MKLN1: variants seen among roughly 807,000 people sequenced by gnomAD.
MKLN1 encodes the protein muskelin.
Under a neutral mutation model 99.0 loss-of-function variants are expected in MKLN1, and 18 were observed. The ratio of observed to expected loss-of-function variants is 0.18; its 90% CI spans 0.13 to 0.27. MKLN1 has a LOEUF of 0.27. Among genes scored for constraint, MKLN1 ranks in the 10% least tolerant of loss-of-function variants. The pLI is 1.00. For missense variants in MKLN1, 621 were observed against 875.9 expected (o/e 0.71, Z 3.67); for synonymous variants, 288 against 293.2 (o/e 0.98, Z 0.18).
intron 3 of MKLN1, among the ~76,000 whole-genome samples, chr7:131,215,899 G>A (rs1796974495): frequency 6.6e-6 from 1 of 152,026 alleles, no homozygotes; most frequent in South Asian, 2.1e-4. Flanking sequence ...TGTTTGGGGG[G>A]GATAGGGGCT....
At chr7:131,407,130 CTCTT>C (rs1162058692) in intron 6 of MKLN1, among the ~76,000 whole-genome samples, 2 of 151,964 alleles carry the variant, frequency 1.3e-5, no homozygotes, top group East Asian at 1.9e-4. Flanking sequence ...TTTTTAGTGT[CTCTT>C]TCTTACACTT....
At chr7:131,339,033 C>A (rs1297769482) in intron 1 of MKLN1, among the ~76,000 whole-genome samples, 1 of 152,174 alleles carries the variant, frequency 6.6e-6, no homozygotes, top group East Asian at 1.9e-4. Context: ...ATTTTCCTTT[C>A]TCTAGCTTAT....
chr7:131,397,541 T>G (rs1295038004), intron 5 of MKLN1, among the ~76,000 whole-genome samples, 165 bp downstream of exon 5: 1 of 152,230 alleles, frequency 6.6e-6, no homozygotes, highest in African/African-American at 2.4e-5. Context: ...GGAATCCTGA[T>G]AACTCACTTA....
At chr7:131,441,303 A>G (rs1326972540) in intron 10 of MKLN1, among the ~76,000 whole-genome samples, 1 of 152,168 alleles carries the variant, frequency 6.6e-6, no homozygotes, top group Non-Finnish European at 1.5e-5. Flanking sequence ...AATATCTTCA[A>G]ATTTTGTGAG....
At chr7:131,217,334 T>C (rs935083169) in intron 3 of MKLN1, among the ~76,000 whole-genome samples, 1 of 152,196 alleles carries the variant, frequency 6.6e-6, no homozygotes. Context: ...GATACAAAGA[T>C]AAATAAAACA....
intron 2 of MKLN1, among the ~76,000 whole-genome samples, chr7:131,161,718 A>AT (rs1244078754): frequency 1.3e-5 from 2 of 151,146 alleles, no homozygotes; most frequent in African/African-American, 4.9e-5. Flanking sequence ...CGCCCAGCTA[A>AT]TTTTTTGTAT....
At chr7:131,453,057 T>A (rs1796230394) in intron 12 of MKLN1, among the ~76,000 whole-genome samples, 1 of 152,206 alleles carries the variant, frequency 6.6e-6, no homozygotes, top group Admixed American at 6.5e-5. Context: ...AGTATCTACT[T>A]TTTGCCTCTC....
chr7:131,230,070 A>G (rs1369578132), intron 3 of MKLN1, among the ~76,000 whole-genome samples: 1 of 152,166 alleles, frequency 6.6e-6, no homozygotes, highest in Admixed American at 6.5e-5. Flanking sequence ...ATACCAGGTT[A>G]ATTTTTAAAA....
intron 2 of MKLN1, among the ~76,000 whole-genome samples, chr7:131,189,718 G>A (rs1796506893): frequency 6.6e-6 from 1 of 152,088 alleles, no homozygotes. Context: ...GTAGTGAGTG[G>A]GGAGGTACAT....
At chr7:131,119,623 T>C (rs968225894) in intron 1 of MKLN1, among the ~76,000 whole-genome samples, 1 of 152,208 alleles carries the variant, frequency 6.6e-6, no homozygotes, top group Non-Finnish European at 1.5e-5. Context: ...ATCCAGACAT[T>C]TCCGTGCATC....
At chr7:131,452,389 A>G (rs1796204995) in intron 12 of MKLN1, among the ~76,000 whole-genome samples, 1 of 152,168 alleles carries the variant, frequency 6.6e-6, no homozygotes, top group Non-Finnish European at 1.5e-5. Flanking sequence ...TTACATCTAC[A>G]GAACTTGATT....
At chr7:131,145,756 G>T (rs1204030114) in intron 2 of MKLN1, among the ~76,000 whole-genome samples, 1 of 152,190 alleles carries the variant, frequency 6.6e-6, no homozygotes, top group Non-Finnish European at 1.5e-5. Context: ...GGGCCAATGA[G>T]TGGAGATGTA....
intron 11 of MKLN1, among the ~76,000 whole-genome samples, chr7:131,444,177 C>T (rs923031912): frequency 1.1e-4 from 17 of 152,016 alleles, no homozygotes; most frequent in African/African-American, 3.4e-4. Context: ...TGGCGAAACC[C>T]CATCCCCAGT....
chr7:131,173,967 T>C (rs1030000539), intron 2 of MKLN1, among the ~76,000 whole-genome samples: 1 of 143,392 alleles, frequency 7.0e-6, no homozygotes, highest in Non-Finnish European at 1.5e-5. Flanking sequence ...AAGACCTTTT[T>C]CTTTTTCTTT....
intron 3 of MKLN1, among the ~76,000 whole-genome samples, chr7:131,225,022 A>G (rs553753341): frequency 4.6e-5 from 7 of 151,968 alleles, no homozygotes; most frequent in Admixed American, 6.6e-5. Context: ...GCAATGAGCC[A>G]AGATCGTGCC....
At chr7:131,179,369 T>C (rs1163158023) in intron 2 of MKLN1, among the ~76,000 whole-genome samples, 1 of 152,062 alleles carries the variant, frequency 6.6e-6, no homozygotes, top group African/African-American at 2.4e-5. Flanking sequence ...AGGAAGAAGG[T>C]CAGCTGTTAT....
intron 3 of MKLN1, among the ~76,000 whole-genome samples, chr7:131,210,472 C>T (rs988176823): frequency 2.6e-5 from 4 of 151,344 alleles, no homozygotes; most frequent in African/African-American, 9.7e-5. Context: ...GTGGAAGTTG[C>T]AGTGAGCTGA....
chr7:131,474,761 G>A (rs567808199), intron 16 of MKLN1, among the ~76,000 whole-genome samples: 24 of 152,282 alleles, frequency 1.6e-4, no homozygotes, highest in African/African-American at 5.1e-4. Context: ...CTTACCAAGT[G>A]TATTAGCCTG....
Position 131,141,047 on chromosome 7 carries a change from G to A in MKLN1, c.-418-1773G>A, listed in dbSNP as rs550899489. Among the ~76,000 whole-genome samples, 202 of 152,282 alleles carry A rather than the reference G, an allele frequency of 1.3e-3. 1 individual carries two copies. Among genetic ancestry groups the A allele is most frequent in the African/African-American group, 4.7e-3 (197 of 41,558 alleles). ...GATCCACCCACCTTGGCCTCCCAAA[G>A]TGCTGGGATTACAGGTGTGAGCCAC... On this transcript the variant is annotated intron_variant, in intron 1 of 7. Coordinates refer to the MKLN1 transcript ENST00000416992.
Sources: allele counts gnomAD v4.1 joint callset (sites outside exome capture counted in the v4.1 genomes callset), GRCh38; gene constraint gnomAD v4.1.1; transcripts MANE v1.5; gene names NCBI Gene and HGNC (gene_info 2026-07-23, HGNC 2026-07-21).